Variants in SLC2A9 observed in about 807,000 individuals in gnomAD.
SLC2A9 encodes the protein solute carrier family 2 member 9, also known as solute carrier family 2, facilitated glucose transporter member 9.
Under a neutral mutation model 50.6 loss-of-function variants are expected in SLC2A9, and 39 were observed. That is an observed-to-expected ratio of 0.77 (90% CI 0.60 to 1.01). The LOEUF is 1.01. Among genes scored for constraint, SLC2A9 ranks in the 50% least tolerant of loss-of-function variants. The probability of loss-of-function intolerance (pLI) is 0.00; values close to 1 mark genes in which losing one functional copy is unlikely to be tolerated. For missense variants in SLC2A9, 686 were observed against 677.6 expected, an observed-to-expected ratio of 1.01 and a Z score of -0.14; for synonymous variants, 324 against 276.9, an observed-to-expected ratio of 1.17 and a Z score of -1.69.
intron 5 of SLC2A9, among the ~76,000 whole-genome samples, chr4:9,961,099 A>T (rs1300001290): frequency 1.3e-5 from 2 of 152,344 alleles, no homozygotes; most frequent in South Asian, 4.1e-4. Flanking sequence ...AACTTGTTCA[A>T]GTCATACAGC....
At chr4:9,992,387 C>T (rs1757863798) in intron 3 of SLC2A9, among the ~76,000 whole-genome samples, 1 of 152,146 alleles carries the variant, frequency 6.6e-6, no homozygotes, top group African/African-American at 2.4e-5. Context: ...GGGGGTTGTC[C>T]CGTGCATTGT....
intron 3 of SLC2A9, among the ~76,000 whole-genome samples, chr4:9,994,071 A>G (rs1758179283): frequency 6.6e-6 from 1 of 152,146 alleles, no homozygotes; most frequent in Non-Finnish European, 1.5e-5. Context: ...GAGAATCCCC[A>G]TGGGAGAGGA....
intron 2 of SLC2A9, among the ~76,000 whole-genome samples, chr4:10,004,818 C>A (rs1760478118): frequency 6.6e-6 from 1 of 152,180 alleles, no homozygotes; most frequent in Admixed American, 6.5e-5. Context: ...AAACCTTTAC[C>A]TAGAGCTTTC....
intron 1 of SLC2A9, among the ~76,000 whole-genome samples, chr4:9,772,072 G>C (rs144388175): frequency 5.3e-5 from 8 of 152,288 alleles, no homozygotes; most frequent in African/African-American, 1.7e-4. Context: ...GGGTTGCAGG[G>C]AATCATAGGG....
At chr4:9,804,099 G>C (rs1245600362) in intron 3 of SLC2A9, among the ~76,000 whole-genome samples, 4 of 152,190 alleles carry the variant, frequency 2.6e-5, no homozygotes, top group African/African-American at 9.7e-5. Context: ...GTTATAAGGA[G>C]AGCAAGATAC....
At chr4:9,837,700 G>A (rs1411604397) in intron 10 of SLC2A9, among the ~76,000 whole-genome samples, 3 of 152,186 alleles carry the variant, frequency 2.0e-5, no homozygotes, top group Non-Finnish European at 4.4e-5. Flanking sequence ...GTGTTTGCAG[G>A]ATTGATGAAA....
At chr4:9,991,222 T>G (rs1010961690) in intron 3 of SLC2A9, among the ~76,000 whole-genome samples, 2 of 152,136 alleles carry the variant, frequency 1.3e-5, no homozygotes, top group African/African-American at 2.4e-5. Flanking sequence ...TAAAGATTAC[T>G]CCTGAAGAGC....
At chr4:9,878,129 G>A (rs987015152) in intron 10 of SLC2A9, among the ~76,000 whole-genome samples, 2 of 151,384 alleles carry the variant, frequency 1.3e-5, no homozygotes, top group Non-Finnish European at 2.9e-5. Context: ...TGGCACTGTG[G>A]CATAACACAC....
At chr4:9,853,342 G>A (rs1730260043) in intron 10 of SLC2A9, among the ~76,000 whole-genome samples, 1 of 152,008 alleles carries the variant, frequency 6.6e-6, no homozygotes, top group South Asian at 2.1e-4. Context: ...AAAAAATCAG[G>A]GGGTTGCTAT....
At chr4:9,985,823 T>A (rs2109147935) in intron 3 of SLC2A9, 30 bp from the exon 4 acceptor site, 2 of 1,613,798 alleles carry the variant, frequency 1.2e-6, no homozygotes, top group Non-Finnish European at 1.7e-6. Flanking sequence ...TTGATGAAGA[T>A]GTCTAACCAT....
chr4:9,998,951 AT>A (rs1392163336), intron 2 of SLC2A9, among the ~76,000 whole-genome samples: 2 of 152,170 alleles, frequency 1.3e-5, no homozygotes. Context: ...CCAAATTAAA[AT>A]TTTTTGGAGA....
chr4:9,907,923 T>G lies in SLC2A9; in HGVS notation c.1113+312A>C, dbSNP rs150667156. ...GGACATGCTCCTCTAAAGAGATGCC[T>G]GTTTGTTGCCTTAGGTTCCCACATT... On this transcript the variant is annotated intron_variant, in intron 8 of 11. Transcript: ENST00000264784. Among the ~76,000 whole-genome samples, 120 of 152,306 alleles carry G rather than the reference T, an allele frequency of 7.9e-4. No individual in the cohort carries two copies. The Middle Eastern group carries it at 0.02, about 26-fold the overall frequency.
intron 7 of SLC2A9, among the ~76,000 whole-genome samples, chr4:9,914,428 G>A (rs1026121959): frequency 6.6e-6 from 1 of 152,200 alleles, no homozygotes; most frequent in Non-Finnish European, 1.5e-5. Flanking sequence ...CTTCAGCTTG[G>A]CAGTGGAGGC....
chr4:9,778,228 G>A (rs923141910), downstream of SLC2A9, among the ~76,000 whole-genome samples: 1 of 151,762 alleles, frequency 6.6e-6, no homozygotes, highest in African/African-American at 2.4e-5. Context: ...TCCTGCCTCA[G>A]CCACCTCTCT....
intron 8 of SLC2A9, among the ~76,000 whole-genome samples, chr4:9,901,724 G>T (rs916321379): frequency 1.3e-5 from 2 of 151,618 alleles, no homozygotes; most frequent in African/African-American, 4.9e-5. Context: ...CCTTGCCCCT[G>T]CCTTGGGCTG....
At chr4:9,771,552 T>A (rs770744102) in intron 1 of SLC2A9, among the ~76,000 whole-genome samples, 1 of 152,234 alleles carries the variant, frequency 6.6e-6, no homozygotes, top group Non-Finnish European at 1.5e-5. Context: ...ACTATTGTCA[T>A]GATATGTTCA....
At chr4:10,015,998 T>A (rs1351475981) in intron 2 of SLC2A9, among the ~76,000 whole-genome samples, 1 of 152,146 alleles carries the variant, frequency 6.6e-6, no homozygotes, top group African/African-American at 2.4e-5. Flanking sequence ...AGGCCGTGGA[T>A]CTGGGCAGAT....
rs60959435 is a variant in SLC2A9 at position 10,019,272 on chromosome 4, G to C, written c.151-199C>G. On this transcript the variant is annotated intron_variant, in intron 1 of 11. Transcript: ENST00000264784. ...CAGTCCAGGTCCGCGTGCGCAGGCC[G>C]GGCGCCCTCAGGTTTAGCGGCCACG... is the stretch of plus-strand genomic sequence containing the variant. 2,384 of 592,668 alleles carry C rather than the reference G, an allele frequency of 4.0e-3. 29 individuals carry two copies. The highest frequency in any genetic ancestry group is 0.038 in the African/African-American group (2,023 of 53,706). 36.7% of individuals were successfully genotyped at this position (592,668 alleles called of 1,614,324 possible). A position where few individuals can be genotyped will look rare whatever the true frequency, so the allele number is the denominator to read the frequency against.
chr4:9,914,553 G>A (rs1742503885), intron 7 of SLC2A9, among the ~76,000 whole-genome samples: 2 of 152,204 alleles, frequency 1.3e-5, no homozygotes, highest in African/African-American at 4.8e-5. Context: ...TGGCCTTGAA[G>A]GGTTAGCTGG....
Sources: allele counts gnomAD v4.1 joint callset (sites outside exome capture counted in the v4.1 genomes callset), GRCh38; gene constraint gnomAD v4.1.1; transcripts MANE v1.5; gene names NCBI Gene and HGNC (gene_info 2026-07-23, HGNC 2026-07-21).